The following CEP170 variants were observed in gnomAD, a reference collection of about 807,000 sequenced individuals.
CEP170 encodes centrosomal protein 170.
In CEP170, 21 loss-of-function variants were observed where a neutral mutation model predicts 151.9. The observed-to-expected ratio is 0.14, with a 90% CI of 0.10 to 0.20. The LOEUF (loss-of-function observed/expected upper bound fraction) is 0.20. CEP170 is among the 10% of genes least tolerant of loss of function. The pLI is 1.00. For synonymous variants in CEP170, 356 were observed against 648.8 expected (o/e 0.55, Z 6.86); for missense variants, 964 against 1,892.9 (o/e 0.51, Z 9.11).
chr1:243,133,097 T>C (rs1424009271), intron 17 of CEP170, among the ~76,000 whole-genome samples: 2 of 152,254 alleles, frequency 1.3e-5, no homozygotes, highest in Non-Finnish European at 2.9e-5. Flanking sequence ...CACCATACTC[T>C]GGCCCTTTCA....
chr1:243,145,315 G>A (rs1244161531), intron 14 of CEP170, among the ~76,000 whole-genome samples: 1 of 152,180 alleles, frequency 6.6e-6, no homozygotes, highest in Admixed American at 6.5e-5. Flanking sequence ...TCACTCTGTT[G>A]CCAGGTTGGA....
At chr1:243,244,980 T>A (rs1222203838) in intron 1 of CEP170, among the ~76,000 whole-genome samples, 2 of 152,124 alleles carry the variant, frequency 1.3e-5, no homozygotes, top group African/African-American at 4.8e-5. Context: ...AAAATCTTTG[T>A]TGGGTAAAAA....
At chr1:243,210,147 C>T (rs2148898624) in intron 4 of CEP170, among the ~76,000 whole-genome samples, 1 of 152,222 alleles carries the variant, frequency 6.6e-6, no homozygotes, top group East Asian at 1.9e-4. Flanking sequence ...TGAGCTGGTA[C>T]GTAAGAGAAA....
chr1:243,218,287 G>C (rs985423840), intron 3 of CEP170, among the ~76,000 whole-genome samples: 3 of 152,218 alleles, frequency 2.0e-5, no homozygotes, highest in African/African-American at 7.2e-5. Flanking sequence ...ACTGCTGATG[G>C]GGGCAGTCCA....
In CEP170 at chr1:243,137,647, TGCCTGTAGTCCCA is replaced by T. The variant is rs540398466; in HGVS notation, c.4231-1429_4231-1417del. On this transcript the variant is annotated intron_variant, in intron 16 of 19. Coordinates refer to ENST00000366542, the MANE Select transcript of CEP170 (RefSeq NM_014812.3). ...AAAATTAGCGGGGCGTGCTGGTGCG[TGCCTGTAGTCCCA>T]GCTACTCGGGAGGCTAAGGCAGGGG... 2.1e-4 allele frequency among the ~76,000 whole-genome samples: 32 copies of T among 152,070 alleles called. No individual in the cohort carries two copies. In the East Asian group the frequency reaches 5.8e-3, roughly 28 times the overall value.
In CEP170 at chr1:243,184,333, T is replaced by C. The variant is rs1304345818; in HGVS notation, c.1566+1446A>G. ...AGATCTGTCTGCTTACAAGGGTCCATGTTCTTAAATTGCACTCTCTCTCTC... is the reference window on the plus strand; with the variant it reads ...AGATCTGTCTGCTTACAAGGGTCCACGTTCTTAAATTGCACTCTCTCTCTC... On this transcript the variant is annotated intron_variant, in intron 10 of 19. Transcript: ENST00000366542. Among the ~76,000 whole-genome samples, 15 of 152,216 alleles carry C rather than the reference T, an allele frequency of 9.9e-5. No individual in the cohort carries two copies. The East Asian group carries it at 1.4e-3, about 14-fold the overall frequency.
chr1:243,228,157 A>C (rs372130185), intron 1 of CEP170, among the ~76,000 whole-genome samples: 6 of 152,378 alleles, frequency 3.9e-5, no homozygotes, highest in African/African-American at 1.4e-4. Flanking sequence ...AATAAGAAAT[A>C]TATCTCTATA....
chr1:243,212,110 G>A (rs2061862517), intron 3 of CEP170, 146 bp from the exon 4 acceptor site: 3 of 932,602 alleles, frequency 3.2e-6, no homozygotes, highest in Admixed American at 8.0e-5. Context: ...GTGCCATGCA[G>A]CCTGTAGGCT....
At chr1:243,225,787 G>T (rs1440414022) in intron 1 of CEP170, among the ~76,000 whole-genome samples, 4 of 151,884 alleles carry the variant, frequency 2.6e-5, no homozygotes, top group African/African-American at 9.7e-5. Context: ...CAAATAAATT[G>T]CTCTTTTGTC....
intron 16 of CEP170, among the ~76,000 whole-genome samples, chr1:243,137,900 G>C (rs1270522405): frequency 2.0e-5 from 3 of 152,106 alleles, no homozygotes; most frequent in Non-Finnish European, 4.4e-5. Context: ...GAATTTAGTG[G>C]GTAATAAAAG....
At chr1:243,250,571 A>C (rs977004406) in intron 1 of CEP170, among the ~76,000 whole-genome samples, 1 of 152,236 alleles carries the variant, frequency 6.6e-6, no homozygotes, top group Non-Finnish European at 1.5e-5. Flanking sequence ...TTTATTGGTT[A>C]ATCAGGAACA....
At chr1:243,170,819 G>A (rs775968474) in intron 11 of CEP170, among the ~76,000 whole-genome samples, 3 of 152,130 alleles carry the variant, frequency 2.0e-5, no homozygotes, top group Non-Finnish European at 2.9e-5. Flanking sequence ...TAAGTATAGA[G>A]AATGACACAC....
chr1:243,221,492 C>T, intron 3 of CEP170: 1 of 478,052 alleles, frequency 2.1e-6, no homozygotes, highest in Non-Finnish European at 3.7e-6. Context: ...CTTTAGCCAT[C>T]ACAGACAATG....
intron 10 of CEP170, chr1:243,176,963 AG>A (rs1404701856): frequency 3.5e-6 from 1 of 287,838 alleles, no homozygotes; most frequent in Non-Finnish European, 7.1e-6. Context: ...ACCTATGAAA[AG>A]TTTGACTGAT....
At chr1:243,148,547 C>T (rs2056758853) in intron 14 of CEP170, among the ~76,000 whole-genome samples, 1 of 152,096 alleles carries the variant, frequency 6.6e-6, no homozygotes, top group African/African-American at 2.4e-5. Context: ...ACACTTCAGC[C>T]TGGGTGACAG....
intron 16 of CEP170, among the ~76,000 whole-genome samples, chr1:243,137,676 A>G (rs576652732): frequency 5.4e-4 from 82 of 151,912 alleles, no homozygotes; most frequent in African/African-American, 1.8e-3. Context: ...TCGGGAGGCT[A>G]AGGCAGGGGA....
chr1:243,181,230 G>A (rs1193246780), intron 10 of CEP170, among the ~76,000 whole-genome samples: 3 of 152,172 alleles, frequency 2.0e-5, no homozygotes, highest in Non-Finnish European at 4.4e-5. Context: ...TTATCGGAGA[G>A]GCCAAGGGAG....
intron 1 of CEP170, among the ~76,000 whole-genome samples, chr1:243,246,790 T>C (rs893692418): frequency 2.6e-5 from 4 of 152,168 alleles, no homozygotes; most frequent in African/African-American, 7.2e-5. Context: ...AGATTTGTAA[T>C]ATAAAAAATA....
intron 4 of CEP170, among the ~76,000 whole-genome samples, chr1:243,202,387 C>A (rs964786697): frequency 6.6e-6 from 1 of 152,016 alleles, no homozygotes; most frequent in Non-Finnish European, 1.5e-5. Context: ...ACACTAAAAT[C>A]CCAGACTTCA....
Sources: allele counts gnomAD v4.1 joint callset (sites outside exome capture counted in the v4.1 genomes callset), GRCh38; gene constraint gnomAD v4.1.1; transcripts MANE v1.5; gene names NCBI Gene and HGNC (gene_info 2026-07-23, HGNC 2026-07-21).